Variants in FGL2 observed in about 807,000 individuals in gnomAD.
The protein encoded by FGL2 is fibroleukin.
FGL2 carries 21 observed loss-of-function variants against 36.0 expected under a neutral mutation model. The observed-to-expected ratio is 0.58, with a 90% confidence interval of 0.41 to 0.84. FGL2 has a LOEUF of 0.84. FGL2 is among the 40% of genes least tolerant of loss of function. The pLI is 0.00. For missense variants in FGL2, 444 were observed against 526.3 expected (o/e 0.84, Z 1.53); for synonymous variants, 183 against 190.7 (o/e 0.96, Z 0.33).
Position 77,196,500 on chromosome 7 carries a change from G to GAT in FGL2, c.1097_1098dup (p.Pro367IlefsTer24), listed in dbSNP as rs1562829597. On this transcript the variant is annotated frameshift_variant, in exon 2 of 2. Coordinates refer to ENST00000248598, the MANE Select transcript of FGL2 (RefSeq NM_006682.3). LOFTEE classifies it high-confidence loss of function. The surrounding 1 kb of genome is among the most constrained non-coding windows in gnomAD (Gnocchi z 4.2). ...TAGTACAGCCCACAGTTCCCAGAAG[G>GAT]ATATCGATCATTGTCTTTATCTGGA... is the stretch of plus-strand genomic sequence containing the variant. The GAT allele has an allele frequency of 1.2e-6, 2 of 1,614,096 alleles. No homozygotes were observed. The highest frequency in any genetic ancestry group is 2.2e-5 in the South Asian group (2 of 91,074).
rs925148838 is a variant in FGL2, at chr7:77,196,500, G to A, written c.1099C>T (p.Pro367Ser). 2.5e-5 allele frequency: 41 copies of A among 1,613,978 alleles called. No individual in the cohort carries two copies. The highest frequency in any genetic ancestry group is 3.4e-5 in the Non-Finnish European group (40 of 1,179,996). Residue 367 changes from proline (P) to serine (S), a missense_variant, in exon 2 of 2, where the codon CCT (proline) becomes TCT (serine). By Grantham distance (74) the Pro-to-Ser change is moderately conservative (BLOSUM62 -1). Coordinates refer to ENST00000248598, the MANE Select transcript of FGL2 (RefSeq NM_006682.3). This position sits in a 1 kb window ranked among gnomAD's most constrained non-coding sequence, Gnocchi z 4.2. ...TTPDKDNDRYPSGNCGLYYSS... is the reference protein window; with the variant it reads ...TTPDKDNDRYSSGNCGLYYSS... ...TAGTACAGCCCACAGTTCCCAGAAGGATATCGATCATTGTCTTTATCTGGA... is the reference window on the plus strand; with the variant it reads ...TAGTACAGCCCACAGTTCCCAGAAGAATATCGATCATTGTCTTTATCTGGA...
In FGL2 at chr7:77,199,647, G is replaced by C. The variant is rs551393953; in HGVS notation, c.147C>G (p.Cys49Trp). 1.2e-6 allele frequency: 2 copies of C among 1,614,168 alleles called. No individual in the cohort carries two copies. Among genetic ancestry groups the C allele is most frequent in the Non-Finnish European group, 1.7e-6 (2 of 1,180,010 alleles). ...GGTAGGGGCACTCCCCTGCCTCTTC[G>C]CATTTCCCTCTGCTTTCTAGTCTCA... Reference protein sequence around the residue: ...CPVRLESRGKCEEAGECPYQV... With the variant: ...CPVRLESRGKWEEAGECPYQV... The change falls in exon 1 of 2, where the codon TGC becomes TGG. Residue 49 changes from cysteine (C) to tryptophan (W), a missense_variant. Physicochemically the swap from Cys to Trp is radical, Grantham distance 215. Coordinates refer to ENST00000248598, the MANE Select transcript of FGL2 (RefSeq NM_006682.3).
chr7:77,199,734 C>CA lies in FGL2; in HGVS notation c.59dup (p.Leu20PhefsTer7). On this transcript the variant is annotated frameshift_variant, in exon 1 of 2. Coordinates refer to ENST00000248598, the MANE Select transcript of FGL2 (RefSeq NM_006682.3). LOFTEE classifies it high-confidence loss of function. ...CCTCTGTTTCATTGTTTGCCACAAC[C>CA]AAAAAACCGTAAGTGGCAAGAACAG... The CA allele has an allele frequency of 6.2e-7, 1 of 1,614,040 alleles. No homozygotes were observed. Among genetic ancestry groups the CA allele is most frequent in the South Asian group, 1.1e-5 (1 of 91,066 alleles).
At chr7:77,199,079 T>C in intron 1 of FGL2, 102 bp downstream of exon 1, 1 of 977,088 alleles carries the variant, frequency 1.0e-6, no homozygotes, top group Non-Finnish European at 1.5e-6. Context: ...AAAGACTTAA[T>C]CTGTCATCTA....
rs757160331 is a variant in FGL2 at position 77,199,186 on chromosome 7, CGTGACT to C, written c.602_607del (p.Gln201_Ser202del). ...GAAAACATTATTATACATACCTGGA[CGTGACT>C]GTATTTGTTCTTGGCTGGGACACTT... On this transcript the variant is annotated inframe_deletion, in exon 1 of 2. Transcript: ENST00000248598. 4.0e-5 allele frequency: 64 copies of C among 1,612,358 alleles called. No homozygotes were observed. In the South Asian group the frequency reaches 7.0e-4, roughly 18 times the overall value.
chr7:77,196,239 C>T lies in FGL2; in HGVS notation c.*40G>A, dbSNP rs766846655. The T allele has an allele frequency of 1.4e-6, 2 of 1,434,832 alleles. No homozygotes were observed. The highest frequency in any genetic ancestry group is 1.2e-5 in the South Asian group (1 of 80,768). 88.9% of individuals were successfully genotyped at this position (1,434,832 alleles called of 1,614,324 possible). ...TAAAGTGCTGAAGGAATTAATTGCC[C>T]TATTAGATAACGAATACCTGGAGGA... On this transcript the variant is annotated 3_prime_UTR_variant, in exon 2 of 2. Transcript: ENST00000248598. The surrounding 1 kb of genome is among the most constrained non-coding windows in gnomAD (Gnocchi z 4.2).
rs547985031 is a variant in FGL2, at chr7:77,194,417, T to C, written c.*1862A>G. 2 of 152,232 alleles carry C rather than the reference T, an allele frequency of 1.3e-5. No homozygotes were observed. The highest frequency in any genetic ancestry group is 3.9e-4 in the East Asian group (2 of 5,192). The allele number at this position is 152,232 out of a possible 1,614,324, so 9.4% of individuals were successfully genotyped here. Reference sequence around the variant, plus strand: ...TCCCACCTAATAGAGACACAGCTTTTGAAATCTACAATATTTTACATTTTG... The same window carrying C: ...TCCCACCTAATAGAGACACAGCTTTCGAAATCTACAATATTTTACATTTTG... On this transcript the variant is annotated 3_prime_UTR_variant, in exon 2 of 2. Coordinates refer to ENST00000248598, the MANE Select transcript of FGL2 (RefSeq NM_006682.3).
rs762156755 is a variant in FGL2, at chr7:77,199,629, G to A, written c.165C>T (p.Cys55=). 3.7e-6 allele frequency: 6 copies of A among 1,613,986 alleles called. No individual in the cohort carries two copies. In the South Asian group the frequency reaches 4.4e-5, roughly 12 times the overall value. Residue 55 remains cysteine, a synonymous_variant, in exon 1 of 2, where the codon TGC becomes TGT. Coordinates refer to ENST00000248598, the MANE Select transcript of FGL2 (RefSeq NM_006682.3). ...SRGKCEEAGE[C]PYQVSLPPLT... is the part of the protein sequence containing the mutation. The stretch of plus-strand genomic sequence containing the variant: ...AGGGGGGCAGGCTTACCTGGTAGGG[G>A]CACTCCCCTGCCTCTTCGCATTTCC...
In FGL2 at chr7:77,196,211, T is replaced by A; in HGVS notation, c.*68A>T. On this transcript the variant is annotated 3_prime_UTR_variant, in exon 2 of 2. Coordinates refer to ENST00000248598, the MANE Select transcript of FGL2 (RefSeq NM_006682.3). This position sits in a 1 kb window ranked among gnomAD's most constrained non-coding sequence, Gnocchi z 4.2. ...TATGAAAAATATGAAACAAGGCATATTCTAAAGTGCTGAAGGAATTAATTG... is the reference window on the plus strand; with the variant it reads ...TATGAAAAATATGAAACAAGGCATAATCTAAAGTGCTGAAGGAATTAATTG... 1 of 1,162,618 alleles carries A rather than the reference T, an allele frequency of 8.6e-7. No individual in the cohort carries two copies. The highest frequency in any genetic ancestry group is 1.2e-6 in the Non-Finnish European group (1 of 818,496). The allele number at this position is 1,162,618 out of a possible 1,614,324, so 72.0% of individuals were successfully genotyped here.
At chr7:77,198,669 C>T (rs550233039) in intron 1 of FGL2, 2 of 154,880 alleles carry the variant, frequency 1.3e-5, no homozygotes, top group Non-Finnish European at 1.4e-5. Flanking sequence ...TATGAAACTG[C>T]TTTTATTCCA....
At position 77,196,549 on chromosome 7, in the gene FGL2, G is replaced by T; in HGVS notation, c.1050C>A (p.Asn350Lys). The T allele has an allele frequency of 2.5e-6, 4 of 1,614,138 alleles. No homozygotes were observed. Among genetic ancestry groups the T allele is most frequent in the Non-Finnish European group, 3.4e-6 (4 of 1,180,012 alleles). Residue 350 changes from asparagine to lysine, a missense_variant, in exon 2 of 2, where the codon AAC becomes AAA. By Grantham distance (94) the Asn-to-Lys change is moderately conservative. Transcript: ENST00000248598. The surrounding 1 kb of genome is among the most constrained non-coding windows in gnomAD (Gnocchi z 4.2). ...GAGTGGTGAAAAACTTCAGATCGTG[G>T]TTGTAATGTTTGTTGAAACGTAATG... ...GDALRFNKHY[N>K]HDLKFFTTPD...
In FGL2 at chr7:77,195,415, A is replaced by G. The variant is rs1005998072; in HGVS notation, c.*864T>C. 4 of 152,176 alleles carry G rather than the reference A, an allele frequency of 2.6e-5. No individual in the cohort carries two copies. Among genetic ancestry groups the G allele is most frequent in the African/African-American group, 4.8e-5 (2 of 41,440 alleles). 9.4% of individuals were successfully genotyped at this position (152,176 alleles called of 1,614,324 possible). ...TTTTTAAACGGTTTAAATGACAAGT[A>G]TTTTATATTTCATGAATGATAAATG... is the stretch of plus-strand genomic sequence containing the variant. On this transcript the variant is annotated 3_prime_UTR_variant, in exon 2 of 2. Coordinates refer to ENST00000248598, the MANE Select transcript of FGL2 (RefSeq NM_006682.3).
intron 1 of FGL2, chr7:77,198,337 C>T (rs992332444): frequency 1.8e-5 from 18 of 984,614 alleles, no homozygotes; most frequent in Non-Finnish European, 2.0e-5. Context: ...GGTCCAAATG[C>T]GGAGATGGCT....
rs1791864164 is a variant in FGL2 at position 77,196,129 on chromosome 7, C to T, written c.*150G>A. 1.6e-6 allele frequency: 1 copy of T among 611,480 alleles called. No homozygotes were observed. Among genetic ancestry groups the T allele is most frequent in the South Asian group, 2.3e-5 (1 of 43,398 alleles). 37.9% of individuals were successfully genotyped at this position (611,480 alleles called of 1,614,324 possible). A position where few individuals can be genotyped will look rare whatever the true frequency, so the allele number is the denominator to read the frequency against. On this transcript the variant is annotated 3_prime_UTR_variant, in exon 2 of 2. Transcript: ENST00000248598. The surrounding 1 kb of genome is among the most constrained non-coding windows in gnomAD (Gnocchi z 4.2). ...TCCTTTAAAATGCATTGTTTTTCAG[C>T]TTTATTTCAAATGCTGTGTAGCATA...
chr7:77,199,660 C>T lies in FGL2; in HGVS notation c.134G>A (p.Ser45Asn), dbSNP rs1791947873. 1 of 1,614,212 alleles carries T rather than the reference C, an allele frequency of 6.2e-7. No individual in the cohort carries two copies. The highest frequency in any genetic ancestry group is 8.5e-7 in the Non-Finnish European group (1 of 1,180,022). The change falls in exon 1 of 2, where the codon AGC becomes AAC. Residue 45 changes from serine (S) to asparagine (N), a missense_variant. Transcript: ENST00000248598. ...CCCTGCCTCTTCGCATTTCCCTCTG[C>T]TTTCTAGTCTCACTGGGCAGACATC... ...AKDVCPVRLE[S>N]RGKCEEAGEC...
rs1399462164 is a variant in FGL2, at chr7:77,199,801, G to A, written c.-8C>T. On this transcript the variant is annotated 5_prime_UTR_variant, in exon 1 of 2. Transcript: ENST00000248598. Reference sequence around the variant, plus strand: ...CCAGTTAGCCAGCTTCATCTTTACAGTGCTGCTCACCCCAGCAGGGAGTGC... The same window carrying A: ...CCAGTTAGCCAGCTTCATCTTTACAATGCTGCTCACCCCAGCAGGGAGTGC... 6.2e-7 allele frequency: 1 copy of A among 1,611,754 alleles called. No homozygotes were observed. Among genetic ancestry groups the A allele is most frequent in the East Asian group, 2.2e-5 (1 of 44,876 alleles).
rs2150430627 is a variant in FGL2 at position 77,196,375 on chromosome 7, A to G, written c.1224T>C (p.Gly408=). Residue 408 remains glycine (G), a synonymous_variant, in exon 2 of 2, where the codon GGT becomes GGC. Coordinates refer to ENST00000248598, the MANE Select transcript of FGL2 (RefSeq NM_006682.3). This position sits in a 1 kb window ranked among gnomAD's most constrained non-coding sequence, Gnocchi z 4.2. ...GTGCCTCACTTACACCAGGCCAGGT[A>G]CCCCAGAAAATCCCATTACGGACAC... ...YRGVRNGIFW[G]TWPGVSEAHP... The G allele has an allele frequency of 6.2e-7, 1 of 1,614,118 alleles. No homozygotes were observed. The highest frequency in any genetic ancestry group is 1.6e-4 in the Middle Eastern group (1 of 6,062).
chr7:77,196,822 A>T lies in FGL2; in HGVS notation c.777T>A (p.Asp259Glu), dbSNP rs778428328. The T allele has an allele frequency of 6.2e-7, 1 of 1,614,074 alleles. No individual in the cohort carries two copies. The highest frequency in any genetic ancestry group is 1.1e-5 in the South Asian group (1 of 91,060). The change falls in exon 2 of 2, where the codon GAT becomes GAA. Residue 259 changes from aspartate to glutamate, a missense_variant. Asp to Glu is a conservative substitution (Grantham distance 45). Transcript: ENST00000248598. The surrounding 1 kb of genome is among the most constrained non-coding windows in gnomAD (Gnocchi z 4.2). ...GGWTVLQARL[D>E]GSTNFTRTWQ... ...ATGTTCTGGTGAAGTTGGTGCTCCC[A>T]TCGAGACGTGCCTGCAGCACTGTCC...
intron 1 of FGL2, chr7:77,198,384 G>C (rs1045109580): frequency 1.1e-6 from 1 of 921,132 alleles, no homozygotes; most frequent in Non-Finnish European, 1.3e-6. Flanking sequence ...AGTGGTCCCA[G>C]TGACTCAGGT....
Sources: allele counts gnomAD v4.1 joint callset, GRCh38; gene constraint gnomAD v4.1.1; non-coding constraint Gnocchi (gnomAD v3.1); transcripts MANE v1.5; gene names NCBI Gene and HGNC (gene_info 2026-07-23, HGNC 2026-07-21).